ELMO1: variants seen among roughly 807,000 people sequenced by gnomAD.
ELMO1 encodes the protein engulfment and cell motility 1.
A neutral mutation model predicts 98.9 loss-of-function variants in ELMO1; 26 were observed. The ratio of observed to expected loss-of-function variants is 0.26; its 90% CI spans 0.19 to 0.36. The LOEUF is 0.36. Among genes scored for constraint, ELMO1 ranks in the 10% least tolerant of loss-of-function variants. The pLI is 1.00. For missense variants in ELMO1, 627 were observed against 935.2 expected (o/e 0.67, Z 4.30); for synonymous variants, 346 against 346.0 (o/e 1.00, Z 0.00).
At chr7:37,165,717 T>C (rs1196348146) in intron 13 of ELMO1, among the ~76,000 whole-genome samples, 7 of 152,168 alleles carry the variant, frequency 4.6e-5, no homozygotes, top group Non-Finnish European at 1.0e-4. Flanking sequence ...AGCTTTTTGA[T>C]GTGCTGCTGG....
At chr7:37,077,789 A>G (rs1391762086) in intron 15 of ELMO1, among the ~76,000 whole-genome samples, 1 of 152,046 alleles carries the variant, frequency 6.6e-6, no homozygotes, top group East Asian at 1.9e-4. Context: ...GAGCTAGTGC[A>G]TTTTCACTTT....
At chr7:37,026,186 GT>G (rs1794567162) in intron 15 of ELMO1, among the ~76,000 whole-genome samples, 1 of 152,152 alleles carries the variant, frequency 6.6e-6, no homozygotes, top group Non-Finnish European at 1.5e-5. Context: ...GTCCAACCAT[GT>G]GAGATGGGCA....
intron 16 of ELMO1, among the ~76,000 whole-genome samples, chr7:36,910,383 G>A (rs2129065655): frequency 6.6e-6 from 1 of 152,308 alleles, no homozygotes; most frequent in Non-Finnish European, 1.5e-5. Flanking sequence ...CCATTTCAAG[G>A]TGGCTGGGAA....
chr7:37,202,978 G>A (rs1433713985), intron 13 of ELMO1, among the ~76,000 whole-genome samples: 6 of 151,788 alleles, frequency 4.0e-5, no homozygotes, highest in East Asian at 3.9e-4. Context: ...CCTGCTGATC[G>A]GAATAGTTGT....
chr7:37,191,560 TA>T (rs199737723), intron 13 of ELMO1, among the ~76,000 whole-genome samples: 122 of 152,196 alleles, frequency 8.0e-4, no homozygotes, highest in Non-Finnish European at 1.1e-3. Flanking sequence ...CCCCTTCTTG[TA>T]AAAAAAATCA....
intron 14 of ELMO1, among the ~76,000 whole-genome samples, chr7:37,102,451 A>C (rs181897828): frequency 2.6e-5 from 4 of 152,346 alleles, no homozygotes; most frequent in African/African-American, 9.6e-5. Flanking sequence ...GCACACAAAC[A>C]AAATGGAACA....
chr7:37,122,543 C>T (rs951639637), intron 14 of ELMO1, among the ~76,000 whole-genome samples: 6 of 152,104 alleles, frequency 3.9e-5, no homozygotes, highest in Admixed American at 1.3e-4. Context: ...ACGAAGAAGG[C>T]CATTACACAA....
Position 37,213,344 on chromosome 7 carries a change from G to A in ELMO1, c.945C>T (p.Pro315=). The A allele has an allele frequency of 6.2e-7, 1 of 1,612,826 alleles. No individual in the cohort carries two copies. The highest frequency in any genetic ancestry group is 8.5e-7 in the Non-Finnish European group (1 of 1,179,624). ...TCCAATGAGCACTCACCTGGTCCTG[G>A]GGGTCCATTTTGGTCATCATCCTGT... ...LEDRMMTKMD[P]QDQAQRDIIF... Residue 315 remains proline, a synonymous_variant, in exon 12 of 22, where the codon CCC becomes CCT. Coordinates refer to ENST00000310758, the MANE Select transcript of ELMO1 (RefSeq NM_014800.11).
intron 2 of ELMO1, among the ~76,000 whole-genome samples, chr7:37,331,258 C>A (rs539644628): frequency 6.6e-6 from 1 of 151,404 alleles, no homozygotes; most frequent in East Asian, 1.9e-4. Flanking sequence ...CAAGCTCTGC[C>A]TCCCGGGTTC....
intron 7 of ELMO1, 84 bp from the exon 8 acceptor site, chr7:37,233,278 T>A: frequency 8.7e-7 from 1 of 1,152,382 alleles, no homozygotes; most frequent in South Asian, 1.4e-5. Flanking sequence ...GGAAAGTGAA[T>A]ACAAGCAGAA....
chr7:37,375,506 C>A, intron 1 of ELMO1: 1 of 827,182 alleles, frequency 1.2e-6, no homozygotes, highest in Non-Finnish European at 2.0e-6. Flanking sequence ...CGGCCCCGGA[C>A]CCCAGAGCCA....
chr7:36,976,113 GACACT>G (rs1326308280), intron 16 of ELMO1, among the ~76,000 whole-genome samples: 1 of 152,156 alleles, frequency 6.6e-6, no homozygotes, highest in African/African-American at 2.4e-5. Flanking sequence ...GGAAGCCACA[GACACT>G]ACACAGAAAA....
chr7:37,250,791 C>CAA (rs574487076), intron 6 of ELMO1, among the ~76,000 whole-genome samples: 4,581 of 64,624 alleles, frequency 0.071, 253 homozygotes, highest in African/African-American at 0.18. Context: ...GACTCCGTCT[C>CAA]AAAAAAAAAA....
intron 16 of ELMO1, among the ~76,000 whole-genome samples, chr7:37,001,010 A>G (rs2129162028): frequency 6.6e-6 from 1 of 152,224 alleles, no homozygotes; most frequent in African/African-American, 2.4e-5. Context: ...AAAAAGAACA[A>G]TTCAGTTTCT....
intron 3 of ELMO1, among the ~76,000 whole-genome samples, chr7:37,315,557 C>A (rs1309855784): frequency 1.3e-5 from 2 of 152,202 alleles, no homozygotes; most frequent in African/African-American, 4.8e-5. Flanking sequence ...CTGTTCAATT[C>A]TTTCATCCTC....
At chr7:37,155,503 A>AAATAAAATAAAAT (rs1788692635) in intron 13 of ELMO1, among the ~76,000 whole-genome samples, 4 of 131,738 alleles carry the variant, frequency 3.0e-5, no homozygotes, top group Non-Finnish European at 6.5e-5. Flanking sequence ...AAAAAAAAAA[A>AAATAAAATAAAAT]AAAAAGCAGG....
intron 15 of ELMO1, among the ~76,000 whole-genome samples, chr7:37,087,661 C>T (rs1783860989): frequency 6.6e-6 from 1 of 152,114 alleles, no homozygotes. Context: ...AATTCAGTGT[C>T]CACTGCTAGC....
At chr7:36,868,162 T>C (rs1436365829) in intron 20 of ELMO1, among the ~76,000 whole-genome samples, 1 of 152,176 alleles carries the variant, frequency 6.6e-6, no homozygotes, top group Non-Finnish European at 1.5e-5. Flanking sequence ...GTTCTATCAG[T>C]TTCATAACTC....
intron 2 of ELMO1, among the ~76,000 whole-genome samples, chr7:37,328,839 AATGC>A (rs1799956288): frequency 6.6e-6 from 1 of 152,122 alleles, no homozygotes; most frequent in Admixed American, 6.6e-5. Context: ...TTTCAACCTG[AATGC>A]ATATCCTTTC....
Sources: gnomAD v4.1 joint callset for allele counts (sites outside exome capture counted in the v4.1 genomes callset) on GRCh38, gnomAD v4.1.1 for gene constraint, MANE v1.5 for transcripts, NCBI Gene and HGNC (gene_info 2026-07-23, HGNC 2026-07-21) for gene names.